The following THSD4 variants were observed in gnomAD, a reference collection of about 807,000 sequenced individuals.
The protein encoded by THSD4 is thrombospondin type-1 domain-containing protein 4.
A neutral mutation model predicts 119.0 loss-of-function variants in THSD4; 69 were observed. The observed-to-expected ratio is 0.58, with a 90% CI of 0.48 to 0.71. The LOEUF (loss-of-function observed/expected upper bound fraction) is 0.71, where lower values mean the gene tolerates loss of function less well. Ranked by LOEUF, THSD4 falls within the 30% of genes least tolerant of loss-of-function variation. The pLI is 0.00. For synonymous variants in THSD4, 524 were observed against 540.4 expected (o/e 0.97, Z 0.42); for missense variants, 1,393 against 1,391.1 (o/e 1.00, Z -0.02).
intron 7 of THSD4, among the ~76,000 whole-genome samples, chr15:71,557,917 C>G (rs1334145862): frequency 6.6e-6 from 1 of 152,098 alleles, no homozygotes; most frequent in Admixed American, 6.6e-5. Context: ...ATAAAAAAAT[C>G]AACTTTTGGC....
chr15:71,612,425 G>A (rs1489805917), intron 7 of THSD4, among the ~76,000 whole-genome samples: 1 of 152,176 alleles, frequency 6.6e-6, no homozygotes, highest in East Asian at 1.9e-4. Context: ...TGCACAAAGA[G>A]GGAGGATCTG....
At position 71,394,266 on chromosome 15, in the gene THSD4, CTTTTTTTTTTTT is replaced by C. The variant is rs58372446; in HGVS notation, c.1016-17408_1016-17397del. Among the ~76,000 whole-genome samples, 332 of 89,708 alleles carry C rather than the reference CTTTTTTTTTTTT, an allele frequency of 3.7e-3. 3 individuals are homozygous for C. Among genetic ancestry groups the C allele is most frequent in the African/African-American group, 0.014 (305 of 22,360 alleles). 58.9% of individuals were successfully genotyped at this position (89,708 alleles called of 152,430 possible). ...CACTCTGTTGTCCAAACACATTTGT[CTTTTTTTTTTTT>C]TTTTTTTTTTTTGAGACGGAGTTTT... On this transcript the variant is annotated intron_variant, in intron 6 of 17. Transcript: ENST00000261862.
chr15:71,397,719 T>A (rs1258437189), intron 6 of THSD4, among the ~76,000 whole-genome samples: 2 of 152,244 alleles, frequency 1.3e-5, no homozygotes, highest in Non-Finnish European at 2.9e-5. Context: ...AAATCTGAAT[T>A]TGAATCCTGG....
chr15:71,447,370 G>C (rs148586099), intron 7 of THSD4, among the ~76,000 whole-genome samples: 4 of 150,296 alleles, frequency 2.7e-5, no homozygotes, highest in Non-Finnish European at 4.4e-5. Flanking sequence ...CCGCCACCTT[G>C]GCTTCCCACC....
intron 8 of THSD4, among the ~76,000 whole-genome samples, chr15:71,705,149 A>G (rs1348201039): frequency 2.0e-5 from 3 of 152,200 alleles, no homozygotes; most frequent in Non-Finnish European, 4.4e-5. Flanking sequence ...ATGGAAGGGT[A>G]GCTGGAATTC....
chr15:71,626,715 A>G (rs2140936839), intron 7 of THSD4, among the ~76,000 whole-genome samples: 1 of 152,356 alleles, frequency 6.6e-6, no homozygotes, highest in Non-Finnish European at 1.5e-5. Context: ...ATAACGCATT[A>G]CCACATTAAC....
chr15:71,591,991 A>T (rs1567052062), intron 7 of THSD4, among the ~76,000 whole-genome samples: 2 of 152,286 alleles, frequency 1.3e-5, no homozygotes, highest in Non-Finnish European at 2.9e-5. Context: ...TATGAGGCAG[A>T]TGTTAATGCC....
intron 6 of THSD4, among the ~76,000 whole-genome samples, chr15:71,295,169 C>A (rs530051048): frequency 9.2e-4 from 140 of 152,280 alleles, no homozygotes; most frequent in Non-Finnish European, 1.5e-3. Flanking sequence ...CTGGATTACT[C>A]AATATCTTCC....
chr15:71,547,304 C>A, intron 7 of THSD4: 1 of 1,520,644 alleles, frequency 6.6e-7, no homozygotes, highest in Admixed American at 2.0e-5. Flanking sequence ...AGCGCGGTGC[C>A]TAGCGGAACT....
chr15:71,121,678 T>G (rs1314998938), intron 1 of THSD4, among the ~76,000 whole-genome samples: 1 of 152,176 alleles, frequency 6.6e-6, no homozygotes, highest in African/African-American at 2.4e-5. Flanking sequence ...GGTCCTCCAG[T>G]GGTACTGGCC....
At chr15:71,718,148 CA>C (rs55879700) in intron 8 of THSD4, among the ~76,000 whole-genome samples, 104,682 of 123,280 alleles carry the variant, frequency 0.85, 44,837 homozygotes, top group South Asian at 0.95. Flanking sequence ...GACCCTGTCT[CA>C]AAAAAAAAAA....
intron 5 of THSD4, among the ~76,000 whole-genome samples, chr15:71,243,495 A>C (rs1199317035): frequency 6.6e-6 from 1 of 152,170 alleles, no homozygotes; most frequent in Non-Finnish European, 1.5e-5. Context: ...GTATTGTAGC[A>C]TGAAGAAGTC....
intron 7 of THSD4, among the ~76,000 whole-genome samples, chr15:71,567,634 C>T (rs1377968336): frequency 1.3e-5 from 2 of 149,614 alleles, no homozygotes; most frequent in African/African-American, 4.9e-5. Context: ...GAAAGAGAGT[C>T]ACAGTGTTTC....
chr15:71,627,051 T>C (rs942618832), intron 7 of THSD4, among the ~76,000 whole-genome samples: 117 of 150,966 alleles, frequency 7.8e-4, no homozygotes, highest in African/African-American at 2.8e-3. Context: ...CTGTATACAT[T>C]TTCTGTTTCT....
At chr15:71,752,753 T>C (rs1339816026) in intron 14 of THSD4, among the ~76,000 whole-genome samples, 1 of 152,212 alleles carries the variant, frequency 6.6e-6, no homozygotes, top group African/African-American at 2.4e-5. Flanking sequence ...GTTGGCACAG[T>C]GGGAAGGATT....
intron 5 of THSD4, among the ~76,000 whole-genome samples, chr15:71,253,807 A>G (rs1353221204): frequency 6.6e-6 from 1 of 152,226 alleles, no homozygotes; most frequent in Non-Finnish European, 1.5e-5. Context: ...AACATCTATA[A>G]CATCACCTTC....
chr15:71,147,620 A>G (rs1311862506), intron 2 of THSD4: 2 of 152,302 alleles, frequency 1.3e-5, no homozygotes, highest in Admixed American at 6.5e-5. Context: ...CATTTCTTCA[A>G]GAAACCTGCC....
intron 7 of THSD4, among the ~76,000 whole-genome samples, chr15:71,554,276 TTA>T (rs1175501601): frequency 6.6e-6 from 1 of 151,574 alleles, no homozygotes; most frequent in Non-Finnish European, 1.5e-5. Context: ...TTGTATTTTT[TTA>T]GTAGAGATGG....
chr15:71,665,287 C>T (rs1015500952), intron 8 of THSD4, among the ~76,000 whole-genome samples: 5 of 152,050 alleles, frequency 3.3e-5, no homozygotes, highest in Non-Finnish European at 5.9e-5. Flanking sequence ...GCCATACATA[C>T]GTCATCTTTT....
Sources: gnomAD v4.1 joint callset for allele counts (sites outside exome capture counted in the v4.1 genomes callset) on GRCh38, gnomAD v4.1.1 for gene constraint, MANE v1.5 for transcripts, NCBI Gene and HGNC (gene_info 2026-07-23, HGNC 2026-07-21) for gene names.